STK32A: variants seen among roughly 807,000 people sequenced by gnomAD.
STK32A encodes the protein serine/threonine-protein kinase 32A.
Under a neutral mutation model 53.2 loss-of-function variants are expected in STK32A, and 41 were observed. That is an observed-to-expected ratio of 0.77 (90% CI 0.60 to 1.00). The LOEUF is 1.00. Among genes scored for constraint, STK32A ranks in the 50% least tolerant of loss-of-function variants. STK32A has a pLI of 0.00. For synonymous variants in STK32A, 166 were observed against 162.8 expected (o/e 1.02, Z -0.15); for missense variants, 458 against 485.8 (o/e 0.94, Z 0.54).
intron 4 of STK32A, among the ~76,000 whole-genome samples, chr5:147,282,105 C>T (rs916042788): frequency 3.3e-5 from 5 of 152,146 alleles, no homozygotes; most frequent in Non-Finnish European, 7.4e-5. Context: ...CTAAAAGGAG[C>T]TCTAAATCTT....
chr5:147,350,598 C>T (rs1393296008), intron 6 of STK32A, among the ~76,000 whole-genome samples: 1 of 151,950 alleles, frequency 6.6e-6, no homozygotes, highest in Non-Finnish European at 1.5e-5. Context: ...GAACTCCTGA[C>T]CTCAAGTGAT....
Position 147,386,787 on chromosome 5 carries a change from T to TGCGGAACA in STK32A, c.*2806_*2807insGGAACAGC, listed in dbSNP as rs1757658542. 6.6e-6 allele frequency: 1 copy of TGCGGAACA among 152,348 alleles called. No homozygotes were observed. The highest frequency in any genetic ancestry group is 2.4e-5 in the African/African-American group (1 of 41,582). 9.4% of individuals were successfully genotyped at this position (152,348 alleles called of 1,614,324 possible). A position where few individuals can be genotyped will look rare whatever the true frequency, so the allele number is the denominator to read the frequency against. On this transcript the variant is annotated 3_prime_UTR_variant, in exon 13 of 13. Transcript: ENST00000397936. ...AAAGCAAAACCATGGTATCTGACAG[T>TGCGGAACA]GCTGATTGTAATCACCTCCCACCAC...
At chr5:147,238,980 C>T (rs917375946) in intron 1 of STK32A, among the ~76,000 whole-genome samples, 1 of 152,042 alleles carries the variant, frequency 6.6e-6, no homozygotes, top group African/African-American at 2.4e-5. Context: ...AAATGTATGT[C>T]TGTCCCATTC....
rs1350483303 is a variant in STK32A, at chr5:147,346,410, C to T, written c.472+3367C>T. 2.0e-5 allele frequency among the ~76,000 whole-genome samples: 3 copies of T among 152,188 alleles called. No homozygotes were observed. In the East Asian group the frequency reaches 5.8e-4, roughly 29 times the overall value. ...GCTGTGTATCACACCATGCTGCTTA[C>T]ATTTTTATGCAACACGATTCAGTAA... is the stretch of plus-strand genomic sequence containing the variant. On this transcript the variant is annotated intron_variant, in intron 6 of 12. Coordinates refer to ENST00000397936, the MANE Select transcript of STK32A (RefSeq NM_001112724.2).
At chr5:147,332,890 G>A (rs1188155557) in intron 5 of STK32A, among the ~76,000 whole-genome samples, 1 of 152,158 alleles carries the variant, frequency 6.6e-6, no homozygotes, top group Admixed American at 6.5e-5. Context: ...CTTTGCAATT[G>A]TGTTTCTCAC....
At position 147,354,642 on chromosome 5, in the gene STK32A, C is replaced by T. The variant is rs184844584; in HGVS notation, c.562+3488C>T. The stretch of plus-strand genomic sequence containing the variant: ...TATTTGTTTATTTTTCTCAGCAGCC[C>T]CATGGGGTGGACTATACTTATCACT... On this transcript the variant is annotated intron_variant, in intron 7 of 12. Coordinates refer to ENST00000397936, the MANE Select transcript of STK32A (RefSeq NM_001112724.2). Among the ~76,000 whole-genome samples the T allele has an allele frequency of 7.2e-5, 11 of 152,062 alleles. No individual in the cohort carries two copies. The East Asian group carries it at 2.1e-3, about 29-fold the overall frequency.
chr5:147,346,762 T>C (rs1450824022), intron 6 of STK32A, among the ~76,000 whole-genome samples: 2 of 152,192 alleles, frequency 1.3e-5, no homozygotes, highest in Non-Finnish European at 1.5e-5. Context: ...ATTTTTCTTA[T>C]TCAGGAAATG....
chr5:147,380,336 A>G (rs1049205276), intron 11 of STK32A, among the ~76,000 whole-genome samples: 9 of 152,102 alleles, frequency 5.9e-5, no homozygotes, highest in African/African-American at 2.2e-4. Context: ...AATACAGCAG[A>G]ACTGTGTCTT....
At chr5:147,344,285 G>A (rs1005220110) in intron 6 of STK32A, among the ~76,000 whole-genome samples, 1 of 152,104 alleles carries the variant, frequency 6.6e-6, no homozygotes, top group African/African-American at 2.4e-5. Context: ...AAGAAACACT[G>A]GTAATGACCT....
intron 2 of STK32A, among the ~76,000 whole-genome samples, chr5:147,246,705 T>C (rs1270351782): frequency 6.6e-6 from 1 of 152,240 alleles, no homozygotes; most frequent in Non-Finnish European, 1.5e-5. Flanking sequence ...TGTGAAATAT[T>C]TGTAATGTGA....
chr5:147,401,716 G>T, the STK32A span: 1 of 1,613,710 alleles, frequency 6.2e-7, no homozygotes, highest in Non-Finnish European at 8.5e-7. Flanking sequence ...GCAGGAAACA[G>T]ACAAGGGGTT....
At chr5:147,269,166 G>A (rs1446256763) in intron 2 of STK32A, among the ~76,000 whole-genome samples, 1 of 152,088 alleles carries the variant, frequency 6.6e-6, no homozygotes, top group Non-Finnish European at 1.5e-5. Flanking sequence ...CGCAAAATTA[G>A]GATAATATAT....
chr5:147,305,103 T>TA (rs1193108360), intron 4 of STK32A, among the ~76,000 whole-genome samples: 5 of 151,620 alleles, frequency 3.3e-5, no homozygotes, highest in South Asian at 2.1e-4. Context: ...AAAAAAAAAT[T>TA]AAAAAAATAT....
intron 2 of STK32A, among the ~76,000 whole-genome samples, chr5:147,266,320 A>G (rs552165137): frequency 1.3e-5 from 2 of 152,314 alleles, no homozygotes; most frequent in East Asian, 1.9e-4. Flanking sequence ...TGTAAATCCA[A>G]TATCTGCAGA....
chr5:147,401,869 A>C, the STK32A span: 1 of 651,134 alleles, frequency 1.5e-6, no homozygotes, highest in Non-Finnish European at 2.4e-6. Flanking sequence ...TATCTGCTAA[A>C]TGTGACCAAG....
At chr5:147,333,192 G>T (rs1329473423) in intron 5 of STK32A, among the ~76,000 whole-genome samples, 3 of 152,094 alleles carry the variant, frequency 2.0e-5, no homozygotes, top group Non-Finnish European at 4.4e-5. Flanking sequence ...TAAAACTATG[G>T]TTTTAGTCCT....
intron 5 of STK32A, among the ~76,000 whole-genome samples, chr5:147,335,953 A>C (rs1755099023): frequency 6.6e-6 from 1 of 152,224 alleles, no homozygotes; most frequent in Non-Finnish European, 1.5e-5. Context: ...ACCATTAGTA[A>C]GCTGCACAGT....
intron 4 of STK32A, among the ~76,000 whole-genome samples, chr5:147,280,980 A>G (rs1477211563): frequency 6.6e-6 from 1 of 152,220 alleles, no homozygotes; most frequent in African/African-American, 2.4e-5. Flanking sequence ...GACGACTTCC[A>G]GTACCAGCCT....
intron 2 of STK32A, among the ~76,000 whole-genome samples, chr5:147,260,183 TCTCTCTCCTCTCTCTCTC>T (rs1754467954): frequency 1.9e-5 from 1 of 51,750 alleles, no homozygotes; most frequent in African/African-American, 8.6e-5. Context: ...CTCTCTCCTC[TCTCTCTCCTCTCTCTCTC>T]CTCTCTCTCT....
Sources: allele counts gnomAD v4.1 joint callset (sites outside exome capture counted in the v4.1 genomes callset), GRCh38; gene constraint gnomAD v4.1.1; transcripts MANE v1.5; gene names NCBI Gene and HGNC (gene_info 2026-07-23, HGNC 2026-07-21).